The following MTUS2 variants were observed in gnomAD, a reference collection of about 807,000 sequenced individuals.
MTUS2 encodes the protein microtubule-associated tumor suppressor candidate 2.
A neutral mutation model predicts 114.1 loss-of-function variants in MTUS2; 40 were observed. The observed-to-expected ratio is 0.35, with a 90% CI of 0.27 to 0.46. The LOEUF is 0.46. Ranked by LOEUF, MTUS2 falls within the 20% of genes least tolerant of loss-of-function variation. The pLI is 1.00. For missense variants in MTUS2, 1,679 were observed against 1,705.4 expected, an observed-to-expected ratio of 0.98 and a Z score of 0.27; for synonymous variants, 688 against 672.0, an observed-to-expected ratio of 1.02 and a Z score of -0.37.
intron 2 of MTUS2, among the ~76,000 whole-genome samples, chr13:28,967,906 T>A (rs1184632597): frequency 1.3e-5 from 2 of 152,200 alleles, no homozygotes; most frequent in Non-Finnish European, 1.5e-5. Context: ...TGTATGAACG[T>A]GAAAATGTTG....
chr13:29,289,022 A>G (rs1214628748), intron 6 of MTUS2, among the ~76,000 whole-genome samples: 1 of 152,230 alleles, frequency 6.6e-6, no homozygotes, highest in Non-Finnish European at 1.5e-5. Context: ...ATCCTTTATA[A>G]AAAATAAATA....
intron 5 of MTUS2, among the ~76,000 whole-genome samples, chr13:29,232,250 G>A (rs182987632): frequency 2.0e-4 from 31 of 152,084 alleles, no homozygotes; most frequent in Non-Finnish European, 4.0e-4. Flanking sequence ...CAAAAACAAT[G>A]TGTAGGCCAA....
intron 5 of MTUS2, among the ~76,000 whole-genome samples, chr13:29,234,741 C>G (rs1178012106): frequency 6.6e-6 from 1 of 150,428 alleles, no homozygotes; most frequent in African/African-American, 2.5e-5. Flanking sequence ...TGGTACACCC[C>G]CTTAACGCTT....
At chr13:29,076,211 C>T (rs187858660) in intron 4 of MTUS2, among the ~76,000 whole-genome samples, 1 of 152,324 alleles carries the variant, frequency 6.6e-6, no homozygotes, top group African/African-American at 2.4e-5. Flanking sequence ...CTTAGGCTTT[C>T]AGTAATGCTT....
intron 7 of MTUS2, among the ~76,000 whole-genome samples, chr13:29,352,460 A>G (rs1351236711): frequency 1.3e-5 from 2 of 152,142 alleles, no homozygotes; most frequent in African/African-American, 2.4e-5. Context: ...ATCCTTATTG[A>G]GTGTTTTTTA....
intron 7 of MTUS2, among the ~76,000 whole-genome samples, chr13:29,340,215 C>T (rs139551938): frequency 6.6e-6 from 1 of 152,302 alleles, no homozygotes; most frequent in Non-Finnish European, 1.5e-5. Context: ...CTCAAGCCTC[C>T]CTCCTTCCCA....
intron 9 of MTUS2, among the ~76,000 whole-genome samples, chr13:29,456,465 C>G (rs1879117040): frequency 6.6e-6 from 1 of 152,092 alleles, no homozygotes; most frequent in Non-Finnish European, 1.5e-5. Context: ...CAGAAATATC[C>G]TGAGTTTGAT....
chr13:29,017,979 T>C (rs915261822), intron 2 of MTUS2, among the ~76,000 whole-genome samples: 4 of 152,184 alleles, frequency 2.6e-5, no homozygotes, highest in African/African-American at 9.7e-5. Context: ...TTAAAAAGCA[T>C]GATATGACAG....
intron 2 of MTUS2, among the ~76,000 whole-genome samples, chr13:28,856,657 C>G (rs775134648): frequency 2.6e-5 from 4 of 152,216 alleles, no homozygotes; most frequent in Non-Finnish European, 5.9e-5. Context: ...GGGGAAATCT[C>G]TCTGACAGAT....
intron 7 of MTUS2, among the ~76,000 whole-genome samples, chr13:29,331,638 G>T (rs899183576): frequency 3.3e-5 from 5 of 152,204 alleles, no homozygotes; most frequent in African/African-American, 1.2e-4. Flanking sequence ...TCTTGTGCCA[G>T]TTTTCAAAGG....
At chr13:29,036,058 C>T (rs1040928316) in intron 4 of MTUS2, among the ~76,000 whole-genome samples, 9 of 149,534 alleles carry the variant, frequency 6.0e-5, no homozygotes, top group Non-Finnish European at 7.4e-5. Context: ...GCATGAGAGT[C>T]ACTTGAACCC....
At chr13:29,248,430 T>C (rs957974224) in intron 5 of MTUS2, among the ~76,000 whole-genome samples, 1 of 152,220 alleles carries the variant, frequency 6.6e-6, no homozygotes, top group Admixed American at 6.5e-5. Flanking sequence ...AAGTATACGA[T>C]ACCCTGTAAT....
chr13:29,311,899 G>C (rs1237593292), intron 6 of MTUS2, among the ~76,000 whole-genome samples: 2 of 152,160 alleles, frequency 1.3e-5, no homozygotes, highest in African/African-American at 4.8e-5. Context: ...AAGAATATTT[G>C]CCTTGGTCTA....
chr13:29,426,569 C>T (rs1363032756), intron 8 of MTUS2, among the ~76,000 whole-genome samples: 3 of 152,204 alleles, frequency 2.0e-5, no homozygotes, highest in South Asian at 4.1e-4. Flanking sequence ...CACCATTCCA[C>T]TTTCTGTCTC....
chr13:29,408,904 C>T lies in MTUS2; in HGVS notation c.3118-31079C>T, dbSNP rs112461195. The stretch of plus-strand genomic sequence containing the variant: ...GTGTGTCCAATTTGCTTATTTTTAA[C>T]GCAATTCCTCAGCAGTGAGAAACTC... On this transcript the variant is annotated intron_variant, in intron 8 of 15. Transcript: ENST00000612955. Among the ~76,000 whole-genome samples the T allele has an allele frequency of 2.6e-3, 396 of 152,294 alleles. 2 individuals carry two copies. Among genetic ancestry groups the T allele is most frequent in the African/African-American group, 8.6e-3 (358 of 41,548 alleles).
rs1204214198 is a variant in MTUS2, at chr13:29,332,930, C to T, written c.2905+8219C>T. On this transcript the variant is annotated intron_variant, in intron 7 of 15. Coordinates refer to ENST00000612955, the MANE Select transcript of MTUS2 (RefSeq NM_001033602.4). ...GATTACAGGCGTGAGCCACCGCGCC[C>T]GGCCTTCTCTAGTTCTTTTAATTGT... 5.3e-5 allele frequency among the ~76,000 whole-genome samples: 8 copies of T among 151,996 alleles called. 1 individual carries two copies. Among genetic ancestry groups the T allele is most frequent in the South Asian group, 2.1e-4 (1 of 4,812 alleles).
Position 29,026,541 on chromosome 13 carries a change from A to G in MTUS2, c.1843A>G (p.Met615Val), listed in dbSNP as rs768159187. 2.5e-5 allele frequency: 40 copies of G among 1,613,920 alleles called. No homozygotes were observed. In the South Asian group the frequency reaches 4.1e-4, roughly 16 times the overall value. Residue 615 changes from methionine (M) to valine (V), a missense_variant, in exon 3 of 16, where the codon ATG becomes GTG. By Grantham distance (21) the Met-to-Val change is conservative (BLOSUM62 1). Transcript: ENST00000612955. ...GGACACACCTTCCTCGCAGGAGGGA[A>G]TGGAGAACTATCAGGTTGAAAAAAC... ...SKDTPSSQEG[M>V]ENYQVEKTEE...
At chr13:29,422,178 A>G (rs1296095434) in intron 8 of MTUS2, among the ~76,000 whole-genome samples, 1 of 152,186 alleles carries the variant, frequency 6.6e-6, no homozygotes, top group Non-Finnish European at 1.5e-5. Context: ...AAGGCTTCCA[A>G]ATTACAATGC....
At chr13:29,114,956 C>T (rs950941607) in intron 5 of MTUS2, among the ~76,000 whole-genome samples, 6 of 152,214 alleles carry the variant, frequency 3.9e-5, no homozygotes, top group African/African-American at 1.4e-4. Flanking sequence ...ATCTTACCCC[C>T]ATGAATTTGC....
Sources: gnomAD v4.1 joint callset for allele counts (sites outside exome capture counted in the v4.1 genomes callset) on GRCh38, gnomAD v4.1.1 for gene constraint, MANE v1.5 for transcripts, NCBI Gene and HGNC (gene_info 2026-07-23, HGNC 2026-07-21) for gene names.